The following RERE variants were observed in gnomAD, a reference collection of about 807,000 sequenced individuals.
The protein encoded by RERE is arginine-glutamic acid dipeptide repeats protein.
A neutral mutation model predicts 146.1 loss-of-function variants in RERE; 40 were observed. That is an observed-to-expected ratio of 0.27 (90% CI 0.21 to 0.36). The LOEUF is 0.36. RERE is among the 10% of genes least tolerant of loss of function. RERE has a pLI of 1.00. For synonymous variants in RERE, 1,003 were observed against 866.0 expected, an observed-to-expected ratio of 1.16 and a Z score of -2.78; for missense variants, 1,933 against 2,138.7, an observed-to-expected ratio of 0.90 and a Z score of 1.90.
At chr1:8,645,680 T>C (rs2124300054) in intron 2 of RERE, among the ~76,000 whole-genome samples, 1 of 152,302 alleles carries the variant, frequency 6.6e-6, no homozygotes, top group Non-Finnish European at 1.5e-5. Context: ...ACAACTACAG[T>C]ACAGGTTTCA....
intron 4 of RERE, among the ~76,000 whole-genome samples, chr1:8,581,671 C>G (rs2124059430): frequency 6.6e-6 from 1 of 152,216 alleles, no homozygotes; most frequent in Middle Eastern, 3.4e-3. Context: ...TCCAGTTGTT[C>G]CAGCCCATTT....
chr1:8,495,072 T>C lies in RERE; in HGVS notation c.1095A>G (p.Ala365=). ...AASRDDTTLN[A]LNTLHESGYD... ...ACTTCAAAAGACTTACTGTGTTCAG[T>C]GCATTCAGAGTGGTGTCATCCCGAG... is the stretch of plus-strand genomic sequence containing the variant. The change falls in exon 10 of 23, where the codon GCA becomes GCG. Residue 365 remains alanine, a synonymous_variant. Coordinates refer to ENST00000400908, the MANE Select transcript of RERE (RefSeq NM_001042681.2). The C allele has an allele frequency of 6.2e-7, 1 of 1,611,168 alleles. No individual in the cohort carries two copies. The highest frequency in any genetic ancestry group is 8.5e-7 in the Non-Finnish European group (1 of 1,177,328).
chr1:8,406,262 A>G (rs1045157933), intron 12 of RERE, among the ~76,000 whole-genome samples: 1 of 151,986 alleles, frequency 6.6e-6, no homozygotes, highest in Non-Finnish European at 1.5e-5. Flanking sequence ...TTGTAGAGAC[A>G]GGGTCTCACG....
rs144080485 is a variant in RERE, at chr1:8,718,557, A to G, written c.-144-62116T>C. On this transcript the variant is annotated intron_variant, in intron 1 of 22. Transcript: ENST00000400908. ...ATAAAGCTGTGGTTTAATTTCATCAATAGTGAAGTTTAGTCCTACCTATTT... is the reference window on the plus strand; with the variant it reads ...ATAAAGCTGTGGTTTAATTTCATCAGTAGTGAAGTTTAGTCCTACCTATTT... Among the ~76,000 whole-genome samples, 98 of 152,338 alleles carry G rather than the reference A, an allele frequency of 6.4e-4. 1 individual carries two copies. The South Asian group carries it at 0.011, about 17-fold the overall frequency.
At position 8,358,809 on chromosome 1, in the gene RERE, C is replaced by T; in HGVS notation, c.3726G>A (p.Val1242=). The part of the protein sequence containing the change: ...FEPPPTTIAA[V]PPYIGPDTPA... ...GTGTGTCGGGCCCGATGTAGGGGGG[C>T]ACAGCAGCAATGGTGGTTGGTGGTG... Residue 1242 remains valine, a synonymous_variant, in exon 20 of 23, where the codon GTG becomes GTA. Coordinates refer to ENST00000400908, the MANE Select transcript of RERE (RefSeq NM_001042681.2). The T allele has an allele frequency of 6.2e-7, 1 of 1,611,998 alleles. No individual in the cohort carries two copies. The highest frequency in any genetic ancestry group is 8.5e-7 in the Non-Finnish European group (1 of 1,178,974).
chr1:8,697,592 T>C (rs1279562219), intron 1 of RERE, among the ~76,000 whole-genome samples: 3 of 152,154 alleles, frequency 2.0e-5, no homozygotes, highest in Non-Finnish European at 2.9e-5. Context: ...TTTTTCACCA[T>C]GTTAGCCAGG....
At chr1:8,705,895 T>A (rs1639549937) in intron 1 of RERE, among the ~76,000 whole-genome samples, 1 of 152,078 alleles carries the variant, frequency 6.6e-6, no homozygotes, top group Non-Finnish European at 1.5e-5. Context: ...GGTGGGCAGA[T>A]CATGAGGTCA....
chr1:8,712,954 T>C (rs1022955985), intron 1 of RERE, among the ~76,000 whole-genome samples: 2 of 152,192 alleles, frequency 1.3e-5, no homozygotes, highest in African/African-American at 4.8e-5. Flanking sequence ...AGTCAGCTGC[T>C]ATGGAGGACT....
intron 7 of RERE, among the ~76,000 whole-genome samples, chr1:8,523,358 CTAA>C (rs1288854519): frequency 6.6e-6 from 1 of 152,232 alleles, no homozygotes; most frequent in African/African-American, 2.4e-5. Context: ...ATAAGAACAA[CTAA>C]TAAGATATTA....
chr1:8,696,703 A>T (rs1485993986), intron 1 of RERE, among the ~76,000 whole-genome samples: 1 of 152,064 alleles, frequency 6.6e-6, no homozygotes, highest in Non-Finnish European at 1.5e-5. Context: ...TGAGGTCAGG[A>T]GTTCGAGACC....
chr1:8,519,476 G>T (rs1466447139), intron 7 of RERE, among the ~76,000 whole-genome samples: 1 of 152,078 alleles, frequency 6.6e-6, no homozygotes, highest in Non-Finnish European at 1.5e-5. Context: ...GGTTTTGTTT[G>T]CTCTGTGATT....
intron 2 of RERE, among the ~76,000 whole-genome samples, chr1:8,653,317 A>T (rs1647725465): frequency 6.6e-6 from 1 of 152,252 alleles, no homozygotes; most frequent in African/African-American, 2.4e-5. Flanking sequence ...TTTGACAGTG[A>T]TCCAAACTGT....
intron 12 of RERE, among the ~76,000 whole-genome samples, chr1:8,385,224 A>T (rs1206142825): frequency 6.6e-6 from 1 of 152,208 alleles, no homozygotes; most frequent in Non-Finnish European, 1.5e-5. Flanking sequence ...TTCACATATA[A>T]ATGGGCAATT....
chr1:8,738,370 C>T (rs1314750953), intron 1 of RERE, among the ~76,000 whole-genome samples: 1 of 152,012 alleles, frequency 6.6e-6, no homozygotes, highest in African/African-American at 2.4e-5. Flanking sequence ...GCAACCTCTG[C>T]CTCCCTGGTT....
intron 11 of RERE, among the ~76,000 whole-genome samples, chr1:8,427,120 T>G (rs1456868169): frequency 6.6e-6 from 1 of 152,124 alleles, no homozygotes; most frequent in African/African-American, 2.4e-5. Flanking sequence ...CCTCCCAAAG[T>G]GTTGAGATTA....
At chr1:8,485,146 G>A (rs908909405) in intron 10 of RERE, among the ~76,000 whole-genome samples, 5 of 152,162 alleles carry the variant, frequency 3.3e-5, no homozygotes, top group South Asian at 2.1e-4. Context: ...CAGATCACCT[G>A]ATGTAGGGAG....
chr1:8,546,616 G>A (rs1303751595), intron 6 of RERE, among the ~76,000 whole-genome samples: 2 of 152,022 alleles, frequency 1.3e-5, no homozygotes, highest in Admixed American at 6.6e-5. Flanking sequence ...GGGAGGTCGA[G>A]GTGGGCAGAT....
chr1:8,814,887 G>A (rs776185976), intron 1 of RERE, among the ~76,000 whole-genome samples: 22 of 152,122 alleles, frequency 1.4e-4, no homozygotes, highest in Admixed American at 9.2e-4. Context: ...AATTAATGTC[G>A]AAGCACAACC....
chr1:8,500,511 G>A (rs936913914), intron 8 of RERE, among the ~76,000 whole-genome samples: 5 of 152,234 alleles, frequency 3.3e-5, no homozygotes, highest in African/African-American at 1.2e-4. Flanking sequence ...TTCACTCAGT[G>A]CTCAATGGTG....
Sources: gnomAD v4.1 joint callset for allele counts (sites outside exome capture counted in the v4.1 genomes callset) on GRCh38, gnomAD v4.1.1 for gene constraint, MANE v1.5 for transcripts, NCBI Gene and HGNC (gene_info 2026-07-23, HGNC 2026-07-21) for gene names.